Variants in ADGRB3 observed in about 807,000 individuals in gnomAD.
The protein encoded by ADGRB3 is brain-specific angiogenesis inhibitor 3.
ADGRB3 carries 37 observed loss-of-function variants against 193.4 expected under a neutral mutation model. The ratio of observed to expected loss-of-function variants is 0.19; its 90% CI spans 0.15 to 0.25. The LOEUF is 0.25. Ranked by LOEUF, ADGRB3 falls within the 10% of genes least tolerant of loss-of-function variation. The pLI is 1.00. For missense variants in ADGRB3, 1,637 were observed against 1,852.9 expected, an observed-to-expected ratio of 0.88 and a Z score of 2.14; for synonymous variants, 690 against 644.2, an observed-to-expected ratio of 1.07 and a Z score of -1.08.
chr6:69,188,589 G>A (rs190519216), intron 17 of ADGRB3, among the ~76,000 whole-genome samples: 26 of 152,262 alleles, frequency 1.7e-4, no homozygotes, highest in Admixed American at 1.3e-3. Flanking sequence ...TATTAAAGGC[G>A]TGAGCCACTG....
At chr6:69,112,563 A>G (rs1773396594) in intron 17 of ADGRB3, among the ~76,000 whole-genome samples, 2 of 152,102 alleles carry the variant, frequency 1.3e-5, no homozygotes, top group East Asian at 1.9e-4. Context: ...TTTTATACCT[A>G]TCTATATAGC....
intron 21 of ADGRB3, among the ~76,000 whole-genome samples, chr6:69,326,637 T>TA (rs755849098): frequency 1.4e-4 from 22 of 151,994 alleles, no homozygotes; most frequent in Non-Finnish European, 2.4e-4. Context: ...ACAAGTACAA[T>TA]AAAATGAATC....
intron 3 of ADGRB3, among the ~76,000 whole-genome samples, chr6:68,762,754 G>A (rs536553464): frequency 1.3e-5 from 2 of 152,100 alleles, no homozygotes; most frequent in East Asian, 3.9e-4. Flanking sequence ...ATCATAAAAA[G>A]TAAAATAAGA....
chr6:69,382,655 T>G (rs1340966268), intron 30 of ADGRB3, among the ~76,000 whole-genome samples, 176 bp from the exon 31 acceptor site: 1 of 151,882 alleles, frequency 6.6e-6, no homozygotes, highest in Non-Finnish European at 1.5e-5. Flanking sequence ...GTGTAAGAAG[T>G]GCTGAATATG....
chr6:69,333,465 C>T (rs1007148721), intron 24 of ADGRB3, among the ~76,000 whole-genome samples: 2 of 152,022 alleles, frequency 1.3e-5, no homozygotes, highest in Admixed American at 1.3e-4. Context: ...AAAAAATCTT[C>T]ACTTGGAATA....
At chr6:69,006,459 G>T (rs1769754721) in intron 11 of ADGRB3, among the ~76,000 whole-genome samples, 1 of 151,782 alleles carries the variant, frequency 6.6e-6, no homozygotes, top group South Asian at 2.1e-4. Flanking sequence ...CTAGTTAAAA[G>T]AATGGTCTGT....
intron 3 of ADGRB3, among the ~76,000 whole-genome samples, chr6:68,782,485 C>T (rs1192057737): frequency 2.6e-5 from 4 of 152,018 alleles, no homozygotes; most frequent in African/African-American, 4.8e-5. Context: ...TGTGTATATA[C>T]CCAGAAATGG....
At chr6:68,646,978 A>G (rs1459111062) in intron 3 of ADGRB3, among the ~76,000 whole-genome samples, 1 of 152,106 alleles carries the variant, frequency 6.6e-6, no homozygotes, top group African/African-American at 2.4e-5. Flanking sequence ...CAGAGAAGGG[A>G]ATTTGGGTTG....
intron 3 of ADGRB3, among the ~76,000 whole-genome samples, chr6:68,854,716 C>T (rs764079727): frequency 6.6e-6 from 1 of 152,126 alleles, no homozygotes; most frequent in Non-Finnish European, 1.5e-5. Flanking sequence ...ATCTTATCCA[C>T]TGAATACCTC....
chr6:69,023,979 G>A (rs1318845147), intron 13 of ADGRB3, among the ~76,000 whole-genome samples: 3 of 151,968 alleles, frequency 2.0e-5, no homozygotes, highest in East Asian at 3.9e-4. Flanking sequence ...GACAAGTATA[G>A]CCCCCAAGTG....
chr6:68,853,210 T>A (rs1190373838), intron 3 of ADGRB3, among the ~76,000 whole-genome samples: 2 of 152,086 alleles, frequency 1.3e-5, no homozygotes, highest in Non-Finnish European at 2.9e-5. Context: ...GAACAAATTA[T>A]GATATATCTT....
At chr6:68,641,613 G>C (rs554525110) in intron 3 of ADGRB3, among the ~76,000 whole-genome samples, 16 of 152,264 alleles carry the variant, frequency 1.1e-4, no homozygotes, top group Non-Finnish European at 1.8e-4. Flanking sequence ...TGTACATTCT[G>C]AATTTGTGTT....
chr6:69,091,413 G>A (rs1772704252), intron 17 of ADGRB3, among the ~76,000 whole-genome samples: 1 of 152,134 alleles, frequency 6.6e-6, no homozygotes, highest in African/African-American at 2.4e-5. Flanking sequence ...TGATAGACTG[G>A]ATAAAGAAAA....
At chr6:69,349,257 C>T (rs940464282) in intron 26 of ADGRB3, among the ~76,000 whole-genome samples, 2 of 152,148 alleles carry the variant, frequency 1.3e-5, no homozygotes, top group Non-Finnish European at 2.9e-5. Context: ...AGATCATGGA[C>T]ATGACATATA....
chr6:69,246,991 A>G (rs997035914), intron 20 of ADGRB3, among the ~76,000 whole-genome samples: 4 of 152,140 alleles, frequency 2.6e-5, no homozygotes, highest in African/African-American at 9.7e-5. Flanking sequence ...AAGAAACTCC[A>G]TGACTTGATC....
In ADGRB3 at chr6:69,029,976, GCA is replaced by G. The variant is rs10653397; in HGVS notation, c.2107+11504_2107+11505del. 9.8e-4 allele frequency among the ~76,000 whole-genome samples: 143 copies of G among 145,248 alleles called. 1 individual carries two copies. Among genetic ancestry groups the G allele is most frequent in the East Asian group, 3.5e-3 (17 of 4,828 alleles). ...TATATATATATATGATATATAGAATGCACACACACACACACACACACACACAC... is the reference window on the plus strand; with the variant it reads ...TATATATATATATGATATATAGAATGCACACACACACACACACACACACAC... On this transcript the variant is annotated intron_variant, in intron 13 of 31. Coordinates refer to ENST00000370598, the MANE Select transcript of ADGRB3 (RefSeq NM_001704.3).
chr6:69,264,566 A>G lies in ADGRB3; in HGVS notation c.2814+25340A>G, dbSNP rs1468372603. On this transcript the variant is annotated intron_variant, in intron 20 of 31. Transcript: ENST00000370598. ...CAATAACTTGAGTATTTGACTACCA[A>G]AGCTATTATAGTGCTGCACATACTA... 2.0e-5 allele frequency among the ~76,000 whole-genome samples: 3 copies of G among 151,658 alleles called. No homozygotes were observed. In the East Asian group the frequency reaches 5.8e-4, roughly 29 times the overall value.
At chr6:69,267,970 G>A (rs746035791) in intron 20 of ADGRB3, among the ~76,000 whole-genome samples, 9 of 152,042 alleles carry the variant, frequency 5.9e-5, no homozygotes, top group South Asian at 2.1e-4. Flanking sequence ...TGTCAGGCAC[G>A]ATTTGTTCCT....
chr6:69,140,919 C>T (rs1011840878), intron 17 of ADGRB3, among the ~76,000 whole-genome samples: 4 of 151,976 alleles, frequency 2.6e-5, no homozygotes, highest in Non-Finnish European at 4.4e-5. Context: ...CTGCTTGATT[C>T]CAGGCACTGT....
Sources: gnomAD v4.1 joint callset for allele counts (sites outside exome capture counted in the v4.1 genomes callset) on GRCh38, gnomAD v4.1.1 for gene constraint, MANE v1.5 for transcripts, NCBI Gene and HGNC (gene_info 2026-07-23, HGNC 2026-07-21) for gene names.